Variants in TMEM232 observed in about 807,000 individuals in gnomAD.
TMEM232 encodes the protein transmembrane protein 232.
In TMEM232, 80 loss-of-function variants were observed where a neutral mutation model predicts 78.8. That is an observed-to-expected ratio of 1.01 (90% CI 0.85 to 1.22). TMEM232 has a LOEUF of 1.22. TMEM232 is among the 50% of genes most tolerant of loss of function. The probability of loss-of-function intolerance (pLI) is 0.00; values close to 1 mark genes in which losing one functional copy is unlikely to be tolerated. For synonymous variants in TMEM232, 297 were observed against 254.3 expected, an observed-to-expected ratio of 1.17 and a Z score of -1.60; for missense variants, 881 against 742.2, an observed-to-expected ratio of 1.19 and a Z score of -2.17.
chr5:110,456,298 G>T (rs1274038087), intron 12 of TMEM232, among the ~76,000 whole-genome samples: 1 of 151,510 alleles, frequency 6.6e-6, no homozygotes, highest in Non-Finnish European at 1.5e-5. Context: ...ACAATAAAAA[G>T]ATATACAACA....
chr5:110,637,239 A>G (rs1379296979), intron 5 of TMEM232, among the ~76,000 whole-genome samples: 1 of 151,594 alleles, frequency 6.6e-6, no homozygotes, highest in Non-Finnish European at 1.5e-5. Context: ...CACCATCCCA[A>G]AACAGTTATT....
intron 10 of TMEM232, among the ~76,000 whole-genome samples, chr5:110,594,413 T>A (rs1455140179): frequency 6.6e-6 from 1 of 152,022 alleles, no homozygotes; most frequent in Non-Finnish European, 1.5e-5. Flanking sequence ...CTGCAGGAGT[T>A]TTTTTTCATA....
chr5:110,668,856 A>T (rs1031438623), intron 1 of TMEM232, among the ~76,000 whole-genome samples: 2 of 152,210 alleles, frequency 1.3e-5, no homozygotes, highest in Non-Finnish European at 2.9e-5. Flanking sequence ...CTGGAAACTG[A>T]ACAACCTGCT....
At chr5:110,681,539 T>C (rs1327731933) in intron 1 of TMEM232, among the ~76,000 whole-genome samples, 1 of 152,198 alleles carries the variant, frequency 6.6e-6, no homozygotes, top group Admixed American at 6.5e-5. Context: ...TGATAGCCAT[T>C]TAATAGTTGA....
intron 1 of TMEM232, among the ~76,000 whole-genome samples, chr5:110,712,010 G>T (rs990597354): frequency 1.3e-5 from 2 of 150,630 alleles, no homozygotes; most frequent in Admixed American, 6.7e-5. Context: ...GCTGAGGGAG[G>T]AGAATGGCGT....
intron 5 of TMEM232, among the ~76,000 whole-genome samples, chr5:110,628,490 T>C (rs1407536058): frequency 6.6e-6 from 1 of 152,084 alleles, no homozygotes; most frequent in Non-Finnish European, 1.5e-5. Context: ...TCTGTAAGAT[T>C]AGTAAAAATA....
chr5:110,391,486 A>T (rs1328605451), intron 3 of TMEM232, among the ~76,000 whole-genome samples: 1 of 152,158 alleles, frequency 6.6e-6, no homozygotes. Context: ...TCCTTATAGA[A>T]TTTATCATGT....
At chr5:110,679,183 C>T (rs114748037) in intron 1 of TMEM232, among the ~76,000 whole-genome samples, 3 of 152,062 alleles carry the variant, frequency 2.0e-5, no homozygotes, top group African/African-American at 2.4e-5. Context: ...TGTCCTTGCC[C>T]GGACGTGGTG....
upstream of TMEM232, among the ~76,000 whole-genome samples, chr5:110,730,561 T>C (rs1017172978): frequency 6.6e-6 from 1 of 152,188 alleles, no homozygotes; most frequent in African/African-American, 2.4e-5. Context: ...CAGTTCCACA[T>C]GGCTAGGGAG....
At chr5:110,495,860 G>T (rs1349019146) in intron 12 of TMEM232, among the ~76,000 whole-genome samples, 26 of 149,566 alleles carry the variant, frequency 1.7e-4, no homozygotes, top group Admixed American at 1.7e-3. Context: ...AATATCAATT[G>T]AATAATACAA....
chr5:110,454,711 T>TGTGTAA (rs1760707246), intron 12 of TMEM232, among the ~76,000 whole-genome samples: 2 of 151,532 alleles, frequency 1.3e-5, no homozygotes, highest in South Asian at 4.2e-4. Flanking sequence ...TAAAGGAAGG[T>TGTGTAA]GTGTAACATT....
chr5:110,429,205 G>C (rs920249361), intron 12 of TMEM232, among the ~76,000 whole-genome samples: 2 of 151,738 alleles, frequency 1.3e-5, no homozygotes, highest in Non-Finnish European at 3.0e-5. Flanking sequence ...CTTTCGAGTA[G>C]AAAGGTGGGG....
rs192516269 is a variant in TMEM232 at position 110,732,084 on chromosome 5, A to T, written c.-13+2819T>A. On this transcript the variant is annotated intron_variant, in intron 2 of 4. Transcript: ENST00000512886. ...CACAAATCTCTAGGGCAAAGGCAAA[A>T]TGCCACTAGTCTCTTTGCTGAAATA... Among the ~76,000 whole-genome samples, 279 of 152,330 alleles carry T rather than the reference A, an allele frequency of 1.8e-3. 5 individuals carry two copies. The highest frequency in any genetic ancestry group is 0.014 in the Middle Eastern group (4 of 294).
intron 12 of TMEM232, among the ~76,000 whole-genome samples, chr5:110,520,373 T>G (rs2149497042): frequency 6.6e-6 from 1 of 152,140 alleles, no homozygotes; most frequent in South Asian, 2.1e-4. Context: ...TCTGAACTTC[T>G]GAAATTATTT....
At chr5:110,444,573 T>C (rs973504756) in intron 12 of TMEM232, among the ~76,000 whole-genome samples, 2 of 152,216 alleles carry the variant, frequency 1.3e-5, no homozygotes, top group South Asian at 2.1e-4. Context: ...TTGTTTAACT[T>C]TGGTGTTCCT....
intron 11 of TMEM232, among the ~76,000 whole-genome samples, chr5:110,546,415 A>T (rs1773789955): frequency 6.6e-6 from 1 of 152,054 alleles, no homozygotes; most frequent in African/African-American, 2.4e-5. Context: ...AAAAGAGAAA[A>T]TTTCTACTTA....
downstream of TMEM232, among the ~76,000 whole-genome samples, chr5:110,418,426 G>C (rs1756351857): frequency 3.3e-5 from 5 of 152,112 alleles, no homozygotes; most frequent in Admixed American, 2.6e-4. Context: ...AAAAGAATCA[G>C]TGAAATAGGA....
intron 12 of TMEM232, among the ~76,000 whole-genome samples, chr5:110,445,569 C>T (rs1272599529): frequency 1.3e-5 from 2 of 151,978 alleles, no homozygotes; most frequent in Admixed American, 1.3e-4. Context: ...TGCTGCATAA[C>T]AAATTACCCC....
At chr5:110,596,794 GC>G (rs1263929186) in intron 10 of TMEM232, among the ~76,000 whole-genome samples, 3 of 152,066 alleles carry the variant, frequency 2.0e-5, no homozygotes, top group Admixed American at 1.3e-4. Context: ...TGCAGAAAAG[GC>G]CTTTGACAAA....
Sources: allele counts gnomAD v4.1 joint callset (sites outside exome capture counted in the v4.1 genomes callset), GRCh38; gene constraint gnomAD v4.1.1; transcripts MANE v1.5; gene names NCBI Gene and HGNC (gene_info 2026-07-23, HGNC 2026-07-21).